The following PLPP1 variants were observed in gnomAD, a reference collection of about 807,000 sequenced individuals.
The protein encoded by PLPP1 is phospholipid phosphatase 1.
In PLPP1, 24 loss-of-function variants were observed where a neutral mutation model predicts 31.2. The ratio of observed to expected loss-of-function variants is 0.77; its 90% CI spans 0.56 to 1.08. The LOEUF is 1.08. Ranked by LOEUF, PLPP1 falls within the 50% of genes least tolerant of loss-of-function variation. The pLI, the probability that PLPP1 is intolerant of heterozygous loss-of-function variation, is 0.00. For synonymous variants in PLPP1, 146 were observed against 126.3 expected (o/e 1.16, Z -1.05); for missense variants, 319 against 342.7 (o/e 0.93, Z 0.55).
chr5:55,528,696 A>G (rs1050902832), intron 1 of PLPP1, among the ~76,000 whole-genome samples: 3 of 152,240 alleles, frequency 2.0e-5, no homozygotes, highest in Admixed American at 6.5e-5. Context: ...TATTAAACCA[A>G]GTTTAAAAAA....
At position 55,534,569 on chromosome 5, in the gene PLPP1, T is replaced by C. The variant is rs1410721220; in HGVS notation, c.58+3A>G. ...CCCCTCGGACCCGGCGGCGCGTACGTACCCAGCAACACGCAGAGCACATCG... is the reference window on the plus strand; with the variant it reads ...CCCCTCGGACCCGGCGGCGCGTACGCACCCAGCAACACGCAGAGCACATCG... On this transcript the variant is annotated splice_donor_region_variant and intron_variant, in intron 1 of 5. Coordinates refer to ENST00000307259, the MANE Select transcript of PLPP1 (RefSeq NM_003711.4). The C allele has an allele frequency of 1.4e-5, 21 of 1,543,356 alleles. No homozygotes were observed. Among genetic ancestry groups the C allele is most frequent in the Admixed American group, 3.9e-5 (2 of 51,266 alleles).
At chr5:55,509,046 G>T (rs998651559) in intron 1 of PLPP1, 1 of 152,278 alleles carries the variant, frequency 6.6e-6, no homozygotes, top group Non-Finnish European at 1.5e-5. Context: ...TCTGCTGTTA[G>T]ACAACTAAAA....
At chr5:55,474,276 C>T (rs545543478) in intron 2 of PLPP1, among the ~76,000 whole-genome samples, 11 of 152,250 alleles carry the variant, frequency 7.2e-5, no homozygotes, top group African/African-American at 2.6e-4. Flanking sequence ...GGATTACAGG[C>T]ATGAGTCATT....
intron 1 of PLPP1, chr5:55,485,165 TG>T (rs1752750152): frequency 6.6e-6 from 1 of 152,166 alleles, no homozygotes; most frequent in African/African-American, 2.4e-5. Flanking sequence ...AGTTGCAGCC[TG>T]GGGAACTTCA....
At chr5:55,447,341 T>TC (rs2111727550) in intron 3 of PLPP1, among the ~76,000 whole-genome samples, 1 of 152,320 alleles carries the variant, frequency 6.6e-6, no homozygotes, top group African/African-American at 2.4e-5. Flanking sequence ...TACCACCATT[T>TC]CCCCCAGGTA....
intron 1 of PLPP1, among the ~76,000 whole-genome samples, chr5:55,526,931 C>A (rs78988941): frequency 6.1e-3 from 461 of 75,362 alleles, no homozygotes; most frequent in East Asian, 0.021. Context: ...GATTCCATCT[C>A]AAAAAAAAAA....
chr5:55,490,205 C>G (rs1023837558), intron 1 of PLPP1, among the ~76,000 whole-genome samples: 6 of 132,646 alleles, frequency 4.5e-5, no homozygotes, highest in Non-Finnish European at 9.1e-5. Context: ...GGCTGGAGTG[C>G]AATGGCATGA....
At chr5:55,467,648 C>T (rs886726627) in intron 3 of PLPP1, among the ~76,000 whole-genome samples, 3 of 151,142 alleles carry the variant, frequency 2.0e-5, no homozygotes, top group Admixed American at 6.6e-5. Flanking sequence ...TACATGCTGG[C>T]GATGAAAAAA....
In PLPP1 at chr5:55,534,654, A is replaced by G. The variant is rs1276253032; in HGVS notation, c.-25T>C. The G allele has an allele frequency of 6.5e-7, 1 of 1,535,344 alleles. No homozygotes were observed. Among genetic ancestry groups the G allele is most frequent in the South Asian group, 1.2e-5 (1 of 82,186 alleles). On this transcript the variant is annotated 5_prime_UTR_variant, in exon 1 of 6. Transcript: ENST00000307259. ...TGGTCTCTGCCCGGGCTGCCCGGCAAGGGCGATGGACTGAGCTGCGGGACG... is the reference window on the plus strand; with the variant it reads ...TGGTCTCTGCCCGGGCTGCCCGGCAGGGGCGATGGACTGAGCTGCGGGACG...
chr5:55,495,461 T>C (rs189599212), intron 1 of PLPP1, among the ~76,000 whole-genome samples: 2 of 152,200 alleles, frequency 1.3e-5, no homozygotes, highest in African/African-American at 2.4e-5. Context: ...AATAGAGAAG[T>C]AGGACAATGT....
rs1304384230 is a variant in PLPP1, at chr5:55,511,380, TAC to T, written c.58+23190_58+23191del. On this transcript the variant is annotated intron_variant, in intron 1 of 5. Transcript: ENST00000307259. ...GGCAAAGTGACTTCTACCAAATACA[TAC>T]AGTGAAATACCATATAACCATTAAA... 1.2e-4 allele frequency among the ~76,000 whole-genome samples: 18 copies of T among 152,212 alleles called. 1 individual carries two copies. The highest frequency in any genetic ancestry group is 2.9e-4 in the African/African-American group (12 of 41,532).
chr5:55,514,496 G>A (rs1371661804), intron 1 of PLPP1, among the ~76,000 whole-genome samples: 1 of 152,116 alleles, frequency 6.6e-6, no homozygotes, highest in East Asian at 1.9e-4. Flanking sequence ...AATCTTAAAA[G>A]TATTTATGTG....
intron 1 of PLPP1, chr5:55,530,246 CT>C: frequency 6.8e-7 from 1 of 1,479,960 alleles, no homozygotes; most frequent in Non-Finnish European, 9.4e-7. Context: ...CATAATCAAA[CT>C]GATGTCTCTG....
chr5:55,470,623 A>G (rs1752395745), intron 2 of PLPP1, among the ~76,000 whole-genome samples: 1 of 152,250 alleles, frequency 6.6e-6, no homozygotes. Flanking sequence ...GAAGCAGACA[A>G]TAAAGAAGTT....
intron 1 of PLPP1, chr5:55,530,354 G>C: frequency 7.3e-7 from 1 of 1,369,862 alleles, no homozygotes; most frequent in Admixed American, 1.7e-5. Context: ...TCTGAAATAA[G>C]TGATTACTGT....
intron 1 of PLPP1, among the ~76,000 whole-genome samples, chr5:55,478,860 G>C (rs1351509588): frequency 6.6e-6 from 1 of 152,016 alleles, no homozygotes; most frequent in Non-Finnish European, 1.5e-5. Context: ...TTCAAGTTTT[G>C]GTAAGGAAAT....
chr5:55,447,495 A>T (rs1751791980), intron 3 of PLPP1, among the ~76,000 whole-genome samples: 1 of 152,240 alleles, frequency 6.6e-6, no homozygotes, highest in Non-Finnish European at 1.5e-5. Flanking sequence ...TCAGGTACTT[A>T]ATACACAGCG....
At chr5:55,516,061 C>T (rs1329181664) in intron 1 of PLPP1, among the ~76,000 whole-genome samples, 1 of 152,178 alleles carries the variant, frequency 6.6e-6, no homozygotes, top group Non-Finnish European at 1.5e-5. Context: ...CAGTAACTGG[C>T]AGGAACCAAC....
chr5:55,474,384 A>C (rs1294469075), intron 2 of PLPP1, among the ~76,000 whole-genome samples: 1 of 152,216 alleles, frequency 6.6e-6, no homozygotes, highest in Non-Finnish European at 1.5e-5. Context: ...TGGAACCATA[A>C]TATTACAAGC....
Sources: gnomAD v4.1 joint callset for allele counts (sites outside exome capture counted in the v4.1 genomes callset) on GRCh38, gnomAD v4.1.1 for gene constraint, MANE v1.5 for transcripts, NCBI Gene and HGNC (gene_info 2026-07-23, HGNC 2026-07-21) for gene names.